Variants in COL2A1 observed in about 807,000 individuals in gnomAD.
The protein encoded by COL2A1 is collagen type II alpha 1 chain.
COL2A1 carries 28 observed loss-of-function variants against 204.5 expected under a neutral mutation model. That is an observed-to-expected ratio of 0.14 (90% CI 0.10 to 0.19). The LOEUF (loss-of-function observed/expected upper bound fraction) is 0.19. COL2A1 is among the 10% of genes least tolerant of loss of function. The pLI is 1.00. For missense variants in COL2A1, 1,388 were observed against 2,027.5 expected (o/e 0.68, Z 6.06); for synonymous variants, 708 against 718.7 (o/e 0.99, Z 0.24).
At position 47,986,551 on chromosome 12, in the gene COL2A1, G is replaced by C. The variant is rs55971353; in HGVS notation, c.1420-108C>G. The C allele has an allele frequency of 6.9e-3, 5,322 of 775,740 alleles. 38 individuals are homozygous for C. The highest frequency in any genetic ancestry group is 8.9e-3 in the Non-Finnish European group (4,122 of 462,964). The allele number at this position is 775,740 out of a possible 1,614,324, so 48.1% of individuals were successfully genotyped here. On this transcript the variant is annotated intron_variant, in intron 22 of 53. Transcript: ENST00000380518. ...GCCTTGGCAACTGTTTCAGGGCTGG[G>C]GGGGGGCTTGAGGACGAGAGGCCAT...
chr12:47,996,607 C>A lies in COL2A1; in HGVS notation c.550G>T (p.Ala184Ser), dbSNP rs201817670. ...GLGGNFAAQM[A>S]GGFDEKAGGA... is the part of the protein sequence containing the mutation. ...CCAGCCTTTTCATCAAATCCTCCAG[C>A]CATCTGGGCAGCAAAGTTCTGCAAA... The change falls in exon 8 of 54, where the codon GCT becomes TCT. Residue 184 changes from alanine to serine, a missense_variant. Ala to Ser is a moderately conservative substitution (Grantham distance 99, BLOSUM62 1). Transcript: ENST00000380518. 5 of 1,614,198 alleles carry A rather than the reference C, an allele frequency of 3.1e-6. No homozygotes were observed. In the East Asian group the frequency reaches 6.7e-5, roughly 22 times the overall value.
intron 1 of COL2A1, among the ~76,000 whole-genome samples, chr12:48,001,513 T>C (rs141073502): frequency 5.4e-4 from 82 of 151,846 alleles, no homozygotes; most frequent in African/African-American, 1.9e-3. Flanking sequence ...CAGCCCAGAC[T>C]ACAGGAGAGC....
At chr12:47,995,623 G>A (rs1939920746) in intron 10 of COL2A1, 87 bp downstream of exon 10, 3 of 1,330,774 alleles carry the variant, frequency 2.3e-6, no homozygotes, top group East Asian at 2.3e-5. Flanking sequence ...GAGCTGGGCA[G>A]AGCCTGGGAG....
chr12:47,989,237 A>G lies in COL2A1; in HGVS notation c.1113T>C (p.Pro371=). 1 of 1,612,626 alleles carries G rather than the reference A, an allele frequency of 6.2e-7. No individual in the cohort carries two copies. Residue 371 remains proline, a synonymous_variant, in exon 18 of 54, where the codon CCT becomes CCC. Coordinates refer to ENST00000380518, the MANE Select transcript of COL2A1 (RefSeq NM_001844.5). ...PAGGPGFPGA[P]GAKGEAGPTG... is the part of the protein sequence containing the mutation. ...ACAACAGGGCACGTACCTTGGCTCC[A>G]GGAGCACCAGGGAAGCCAGGACCAC...
intron 8 of COL2A1, among the ~76,000 whole-genome samples, 159 bp downstream of exon 8, chr12:47,996,389 A>G (rs1939961406): frequency 6.6e-6 from 1 of 152,224 alleles, no homozygotes; most frequent in African/African-American, 2.4e-5. Context: ...TTGCCATTAA[A>G]AACCAAATGC....
chr12:47,999,890 T>A (rs894798718), intron 2 of COL2A1, 29 bp downstream of exon 2: 1 of 1,593,502 alleles, frequency 6.3e-7, no homozygotes, highest in Non-Finnish European at 8.6e-7. Context: ...AATTTATTTA[T>A]GTTGAACAGG....
Position 47,973,534 on chromosome 12 carries a change from C to T in COL2A1, c.4337G>A (p.Gly1446Asp). 3 of 1,614,076 alleles carry T rather than the reference C, an allele frequency of 1.9e-6. No individual in the cohort carries two copies. Among genetic ancestry groups the T allele is most frequent in the Non-Finnish European group, 2.5e-6 (3 of 1,180,010 alleles). ...DGCTKHTGKW[G>D]KTVIEYRSQK... is the part of the protein sequence containing the mutation. ...TGACCGGTACTCGATAACAGTCTTG[C>T]CCCACTTACCGGTATGTTTCTAGGG... The change falls in exon 54 of 54, where the codon GGC becomes GAC. Residue 1446 changes from glycine (G) to aspartate (D), a missense_variant. Gly to Asp is a moderately conservative substitution (Grantham distance 94). Around this residue, in one of 3 missense-constraint regions of COL2A1, gnomAD observed 303 missense variants for 369.2 expected, o/e 0.82. Transcript: ENST00000380518.
At chr12:47,997,486 G>A in intron 7 of COL2A1, 120 bp downstream of exon 7, 2 of 1,557,164 alleles carry the variant, frequency 1.3e-6, no homozygotes, top group Non-Finnish European at 1.8e-6. Context: ...CAAAGCCCAT[G>A]GACAGGCTAT....
intron 31 of COL2A1, 34 bp from the exon 32 acceptor site, chr12:47,983,171 G>C (rs193292157): frequency 3.7e-6 from 6 of 1,607,892 alleles, no homozygotes; most frequent in Non-Finnish European, 4.2e-6. Context: ...GAGAGTGAAG[G>C]CTTCATATCA....
At chr12:47,974,952 G>C (rs1270414420) in intron 51 of COL2A1, 90 bp from the exon 52 acceptor site, 4 of 1,333,724 alleles carry the variant, frequency 3.0e-6, no homozygotes, top group Non-Finnish European at 4.2e-6. Flanking sequence ...AAGAGACAGA[G>C]AGGCCTACAG....
At chr12:47,985,172 TG>T in intron 26 of COL2A1, 79 bp from the exon 27 acceptor site, 7 of 1,169,218 alleles carry the variant, frequency 6.0e-6, no homozygotes, top group South Asian at 1.3e-5. Flanking sequence ...AGGGCCTACA[TG>T]GCAGGCCCAG....
chr12:47,981,945 C>G (rs1460506389), intron 35 of COL2A1, 116 bp from the exon 36 acceptor site: 124 of 1,304,994 alleles, frequency 9.5e-5, no homozygotes, highest in Non-Finnish European at 1.3e-4. Flanking sequence ...TCCCACTTAC[C>G]CTCTGGCCCC....
In COL2A1 at chr12:47,983,143, G is replaced by T; in HGVS notation, c.2050-6C>A. On this transcript the variant is annotated splice_polypyrimidine_tract_variant and splice_region_variant and intron_variant, in intron 31 of 53. Coordinates refer to ENST00000380518, the MANE Select transcript of COL2A1 (RefSeq NM_001844.5). Reference sequence around the variant, plus strand: ...CCAGCTTCACCGGGAACACCCTGGAGAACAAAGAAAGATGTGTGAGAGTGA... The same window carrying T: ...CCAGCTTCACCGGGAACACCCTGGATAACAAAGAAAGATGTGTGAGAGTGA... 1 of 1,613,388 alleles carries T rather than the reference G, an allele frequency of 6.2e-7. No individual in the cohort carries two copies. The highest frequency in any genetic ancestry group is 2.2e-5 in the East Asian group (1 of 44,866).
intron 34 of COL2A1, 108 bp from the exon 35 acceptor site, chr12:47,982,268 G>A: frequency 1.9e-6 from 2 of 1,042,432 alleles, no homozygotes; most frequent in Admixed American, 1.7e-5. Context: ...CCCTGCCCAA[G>A]AGGAATTTGC....
At chr12:47,975,845 G>C in intron 50 of COL2A1, 118 bp downstream of exon 50, 1 of 892,288 alleles carries the variant, frequency 1.1e-6, no homozygotes, top group Non-Finnish European at 1.9e-6. Flanking sequence ...CAGGATAAAG[G>C]ATGCCATCAC....
At chr12:47,999,320 C>T (rs930635384) in intron 2 of COL2A1, among the ~76,000 whole-genome samples, 16 of 152,324 alleles carry the variant, frequency 1.1e-4, no homozygotes, top group Middle Eastern at 3.4e-3. Context: ...CACCCGTCCC[C>T]ACGAGAACTC....
intron 27 of COL2A1, among the ~76,000 whole-genome samples, 183 bp downstream of exon 27, chr12:47,984,812 G>A (rs974685151): frequency 2.0e-5 from 3 of 152,204 alleles, no homozygotes; most frequent in African/African-American, 7.2e-5. Flanking sequence ...ATGCCCCGAG[G>A]CTCTGTGGGG....
Position 47,978,475 on chromosome 12 carries a change from G to A in COL2A1, c.2896-77C>T. ...GTCCTCTCAGCACAGCTCTGTCTGT[G>A]CAGCCCCGCTCCCTGGCATCCCCAC... On this transcript the variant is annotated intron_variant, in intron 42 of 53. Transcript: ENST00000380518. The surrounding 1 kb of genome is among the most constrained non-coding windows in gnomAD (Gnocchi z 5.5). 1 of 1,576,628 alleles carries A rather than the reference G, an allele frequency of 6.3e-7. No individual in the cohort carries two copies. Among genetic ancestry groups the A allele is most frequent in the Non-Finnish European group, 8.7e-7 (1 of 1,155,598 alleles).
chr12:47,991,581 G>T (rs943133992), intron 16 of COL2A1, among the ~76,000 whole-genome samples: 1 of 152,150 alleles, frequency 6.6e-6, no homozygotes, highest in African/African-American at 2.4e-5. Flanking sequence ...GCAAAGAAGG[G>T]CTCAAAGGCA....
Sources: allele counts gnomAD v4.1 joint callset (sites outside exome capture counted in the v4.1 genomes callset), GRCh38; gene constraint gnomAD v4.1.1; regional missense constraint gnomAD v4.1.1; non-coding constraint Gnocchi (gnomAD v3.1); transcripts MANE v1.5; gene names NCBI Gene and HGNC (gene_info 2026-07-23, HGNC 2026-07-21).